Variants in AAK1 observed in about 807,000 individuals in gnomAD.
AAK1 encodes the protein AP2-associated protein kinase 1.
In AAK1, 37 loss-of-function variants were observed where a neutral mutation model predicts 116.0. That is an observed-to-expected ratio of 0.32 (90% CI 0.25 to 0.42). The LOEUF is 0.42. Ranked by LOEUF, AAK1 falls within the 10% of genes least tolerant of loss-of-function variation. The pLI, the probability that AAK1 is intolerant of heterozygous loss-of-function variation, is 1.00. For missense variants in AAK1, 919 were observed against 1,170.6 expected, an observed-to-expected ratio of 0.79 and a Z score of 3.14; for synonymous variants, 458 against 439.9, an observed-to-expected ratio of 1.04 and a Z score of -0.51.
intron 17 of AAK1, among the ~76,000 whole-genome samples, chr2:69,493,364 T>C (rs977508870): frequency 5.9e-5 from 9 of 151,922 alleles, no homozygotes; most frequent in African/African-American, 2.2e-4. Flanking sequence ...GCCCAGGGAC[T>C]GGCAGCTGCC....
intron 5 of AAK1, among the ~76,000 whole-genome samples, chr2:69,541,833 T>C (rs145025465): frequency 6.6e-6 from 1 of 152,328 alleles, no homozygotes; most frequent in East Asian, 1.9e-4. Context: ...CACGGTAGAA[T>C]GAAAAGAAAT....
chr2:69,632,288 A>T (rs920793032), intron 2 of AAK1, among the ~76,000 whole-genome samples: 1 of 152,226 alleles, frequency 6.6e-6, no homozygotes, highest in South Asian at 2.1e-4. Context: ...ATGTTCTCTA[A>T]AACAGGCAAT....
At position 69,460,674 on chromosome 2, in the gene AAK1, C is replaced by T. The variant is rs973256360; in HGVS notation, c.*15195G>A. On this transcript the variant is annotated 3_prime_UTR_variant, in exon 22 of 22. Coordinates refer to ENST00000409085, the MANE Select transcript of AAK1 (RefSeq NM_014911.5). The stretch of plus-strand genomic sequence containing the variant: ...TAAGTGGGCCGAAAACAATATAGGG[C>T]GTATGACCTAGACTCCCTGGGTGCT... 3 of 152,180 alleles carry T rather than the reference C, an allele frequency of 2.0e-5. No individual in the cohort carries two copies. Among genetic ancestry groups the T allele is most frequent in the Admixed American group, 6.5e-5 (1 of 15,276 alleles). 9.4% of individuals were successfully genotyped at this position (152,180 alleles called of 1,614,324 possible).
intron 17 of AAK1, among the ~76,000 whole-genome samples, chr2:69,492,359 G>A (rs1558906117): frequency 6.6e-6 from 1 of 151,534 alleles, no homozygotes; most frequent in Admixed American, 6.6e-5. Flanking sequence ...GATTATAGGC[G>A]CCCACCACCA....
At chr2:69,571,838 C>T (rs117786693) in intron 2 of AAK1, among the ~76,000 whole-genome samples, 1 of 152,196 alleles carries the variant, frequency 6.6e-6, no homozygotes, top group South Asian at 2.1e-4. Context: ...CTTGAGCTGA[C>T]GGATCAGTGT....
intron 2 of AAK1, among the ~76,000 whole-genome samples, chr2:69,592,057 A>C (rs1430282153): frequency 6.6e-6 from 1 of 152,228 alleles, no homozygotes; most frequent in Non-Finnish European, 1.5e-5. Flanking sequence ...GAAGTGAAGC[A>C]GAAGAACCAA....
At chr2:69,512,838 A>T (rs1355151326) in intron 13 of AAK1, among the ~76,000 whole-genome samples, 4 of 152,270 alleles carry the variant, frequency 2.6e-5, no homozygotes, top group Non-Finnish European at 4.4e-5. Context: ...GGGGAACCTC[A>T]TAAGAAGTGT....
At chr2:69,604,278 T>C (rs978631704) in intron 2 of AAK1, among the ~76,000 whole-genome samples, 2 of 152,190 alleles carry the variant, frequency 1.3e-5, no homozygotes, top group Non-Finnish European at 2.9e-5. Context: ...TGGGGTGACG[T>C]AGAGTGAATG....
intron 2 of AAK1, among the ~76,000 whole-genome samples, chr2:69,628,123 C>T (rs1187026388): frequency 6.6e-6 from 1 of 152,170 alleles, no homozygotes; most frequent in East Asian, 1.9e-4. Flanking sequence ...GAGGACCATA[C>T]GTAGGCCAAG....
At chr2:69,613,610 C>T (rs1674187779) in intron 2 of AAK1, among the ~76,000 whole-genome samples, 1 of 152,192 alleles carries the variant, frequency 6.6e-6, no homozygotes, top group South Asian at 2.1e-4. Flanking sequence ...TTTAATCAAT[C>T]ATACCTATGT....
intron 2 of AAK1, among the ~76,000 whole-genome samples, chr2:69,585,270 C>A (rs536700361): frequency 6.6e-6 from 1 of 152,034 alleles, no homozygotes; most frequent in African/African-American, 2.4e-5. Flanking sequence ...CTTTGTTGCC[C>A]AGGCTGGTTT....
intron 3 of AAK1, among the ~76,000 whole-genome samples, chr2:69,555,942 T>C (rs970632245): frequency 1.3e-5 from 2 of 152,152 alleles, no homozygotes; most frequent in Non-Finnish European, 2.9e-5. Flanking sequence ...CTCATAATTC[T>C]GCTTTGATCA....
intron 2 of AAK1, 96 bp downstream of exon 2, chr2:69,642,782 T>G: frequency 1.3e-6 from 2 of 1,537,110 alleles, no homozygotes; most frequent in Non-Finnish European, 1.8e-6. Flanking sequence ...GAGGGTCAAC[T>G]GGTCAAAGCC....
rs748959187 is a variant in AAK1 at position 69,532,127 on chromosome 2, A to G, written c.570T>C (p.Tyr190=). 8 of 1,613,598 alleles carry G rather than the reference A, an allele frequency of 5.0e-6. No homozygotes were observed. The Admixed American group carries it at 8.3e-5, about 17-fold the overall frequency. ...ENILLHDRGH[Y]VLCDFGSATN... ...TGGCGCTTCCAAAGTCACACAGGACATAGTGGCCTCGGTCATGCAAGAGGA... is the reference window on the plus strand; with the variant it reads ...TGGCGCTTCCAAAGTCACACAGGACGTAGTGGCCTCGGTCATGCAAGAGGA... Residue 190 remains tyrosine (Y), a synonymous_variant, in exon 6 of 22, where the codon TAT becomes TAC. Transcript: ENST00000409085.
intron 9 of AAK1, among the ~76,000 whole-genome samples, chr2:69,525,868 G>C (rs1449832869): frequency 1.3e-5 from 2 of 152,204 alleles, no homozygotes; most frequent in Non-Finnish European, 2.9e-5. Flanking sequence ...TTATGAATGG[G>C]AAAGTGGGAC....
intron 2 of AAK1, among the ~76,000 whole-genome samples, chr2:69,617,375 A>T (rs1674381462): frequency 6.6e-6 from 1 of 152,234 alleles, no homozygotes; most frequent in Non-Finnish European, 1.5e-5. Flanking sequence ...TCCCAATTGA[A>T]CCTAGCTGTG....
chr2:69,487,103 G>A (rs961420081), intron 17 of AAK1, among the ~76,000 whole-genome samples: 2 of 152,170 alleles, frequency 1.3e-5, no homozygotes, highest in Non-Finnish European at 2.9e-5. Flanking sequence ...CATTCTTCTG[G>A]TTTAACTAAA....
At chr2:69,625,153 C>A (rs914969775) in intron 2 of AAK1, among the ~76,000 whole-genome samples, 2 of 152,186 alleles carry the variant, frequency 1.3e-5, no homozygotes, top group South Asian at 2.1e-4. Context: ...TCAGACAAGA[C>A]CTTCGAACTC....
At chr2:69,555,123 T>C (rs1671338311) in intron 3 of AAK1, among the ~76,000 whole-genome samples, 1 of 151,710 alleles carries the variant, frequency 6.6e-6, no homozygotes, top group Admixed American at 6.6e-5. Context: ...GTGTGAGAGC[T>C]GAACAAGCAT....
Sources: gnomAD v4.1 joint callset for allele counts (sites outside exome capture counted in the v4.1 genomes callset) on GRCh38, gnomAD v4.1.1 for gene constraint, MANE v1.5 for transcripts, NCBI Gene and HGNC (gene_info 2026-07-23, HGNC 2026-07-21) for gene names.